Variants in ANKRD12 observed in about 807,000 individuals in gnomAD.
ANKRD12 encodes the protein ankyrin repeat domain-containing protein 12.
ANKRD12 carries 85 observed loss-of-function variants against 183.4 expected under a neutral mutation model. The observed-to-expected ratio is 0.46, with a 90% CI of 0.39 to 0.56. ANKRD12 has a LOEUF of 0.56. Ranked by LOEUF, ANKRD12 falls within the 20% of genes least tolerant of loss-of-function variation. The pLI, the probability that ANKRD12 is intolerant of heterozygous loss-of-function variation, is 0.00. For missense variants in ANKRD12, 2,405 were observed against 2,357.1 expected (o/e 1.02, Z -0.42); for synonymous variants, 914 against 800.2 (o/e 1.14, Z -2.40).
chr18:9,278,965 C>T (rs148432138), intron 11 of ANKRD12, among the ~76,000 whole-genome samples: 2 of 152,196 alleles, frequency 1.3e-5, no homozygotes, highest in Non-Finnish European at 2.9e-5. Context: ...GAGGTTACCA[C>T]ATTTTACAGA....
rs919014994 is a variant in ANKRD12 at position 9,224,325 on chromosome 18, CAG to C, written c.943+2333_943+2334del. 4.0e-5 allele frequency among the ~76,000 whole-genome samples: 6 copies of C among 151,792 alleles called. 1 individual carries two copies. The highest frequency in any genetic ancestry group is 2.0e-4 in the Admixed American group (3 of 15,246). On this transcript the variant is annotated intron_variant, in intron 8 of 12. Transcript: ENST00000262126. Reference sequence around the variant, plus strand: ...ATATGAAAGGAGAAAGATTGGAAGACAGAGAGAGGGGTAGGTGCAGGCACACT... The same window carrying C: ...ATATGAAAGGAGAAAGATTGGAAGACAGAGAGGGGTAGGTGCAGGCACACT...
chr18:9,235,529 A>C (rs1423836715), intron 8 of ANKRD12: 6 of 354,638 alleles, frequency 1.7e-5, no homozygotes, highest in Non-Finnish European at 3.5e-5. Context: ...CTAACACCAC[A>C]TAAAGAGAAA....
At chr18:9,170,483 C>T (rs2143964716) in intron 1 of ANKRD12, among the ~76,000 whole-genome samples, 1 of 152,338 alleles carries the variant, frequency 6.6e-6, no homozygotes, top group African/African-American at 2.4e-5. Flanking sequence ...TATACCCTTT[C>T]TTCCAGTTGA....
rs373735897 is a variant in ANKRD12, at chr18:9,146,208, CT to C, written c.-52+9250del. Among the ~76,000 whole-genome samples the C allele has an allele frequency of 7.9e-5, 12 of 152,144 alleles. 1 individual carries two copies. The highest frequency in any genetic ancestry group is 2.9e-4 in the African/African-American group (12 of 41,500). On this transcript the variant is annotated intron_variant, in intron 1 of 12. Transcript: ENST00000262126. ...CATTTGCACCATCAGTGACATTTGC[CT>C]TTTTTTCCCCCGATTCAAAAACATT...
rs765757579 is a variant in ANKRD12, at chr18:9,254,851, AGAT to A, written c.1588_1590del (p.Asp530del). On this transcript the variant is annotated inframe_deletion, in exon 9 of 13. Transcript: ENST00000262126. The stretch of plus-strand genomic sequence containing the variant: ...ACTTTAGGAAATCTTTTAGCCCAAA[AGAT>A]GATACTTCATTACATTTATTTCATA... The A allele has an allele frequency of 6.0e-6, 9 of 1,508,002 alleles. No homozygotes were observed. The highest frequency in any genetic ancestry group is 2.8e-5 in the South Asian group (2 of 70,952). 93.4% of individuals were successfully genotyped at this position (1,508,002 alleles called of 1,614,324 possible). A position where few individuals can be genotyped will look rare whatever the true frequency, so the allele number is the denominator to read the frequency against.
chr18:9,143,966 C>A (rs2078408702), intron 1 of ANKRD12, among the ~76,000 whole-genome samples: 1 of 152,168 alleles, frequency 6.6e-6, no homozygotes, highest in Non-Finnish European at 1.5e-5. Flanking sequence ...TCTTGGAAAG[C>A]CCCATTGAAA....
intron 8 of ANKRD12, among the ~76,000 whole-genome samples, chr18:9,228,363 G>A (rs2036843842): frequency 6.6e-6 from 1 of 151,964 alleles, no homozygotes; most frequent in Non-Finnish European, 1.5e-5. Context: ...TTGCTGGATG[G>A]TATTCTATTT....
At chr18:9,170,072 C>T (rs189394661) in intron 1 of ANKRD12, among the ~76,000 whole-genome samples, 178 of 152,290 alleles carry the variant, frequency 1.2e-3, no homozygotes, top group East Asian at 7.5e-3. Context: ...GAGTTTCTGC[C>T]GAGAGATCAG....
At chr18:9,169,253 C>T (rs1432119267) in intron 1 of ANKRD12, among the ~76,000 whole-genome samples, 1 of 152,120 alleles carries the variant, frequency 6.6e-6, no homozygotes, top group African/African-American at 2.4e-5. Context: ...GAGCTGAGTT[C>T]AGTTCCTGGG....
Position 9,256,199 on chromosome 18 carries a change from A to C in ANKRD12, c.2932A>C (p.Ile978Leu), listed in dbSNP as rs149878606. Reference protein sequence around the residue: ...ESINITNSKHIQEEKKSSIVD... With the variant: ...ESINITNSKHLQEEKKSSIVD... ...TATAAATATAACTAACTCCAAACAC[A>C]TACAGGAAGAAAAAAAATCAAGTAT... Residue 978 changes from isoleucine (I) to leucine (L), a missense_variant, in exon 9 of 13, where the codon ATA (isoleucine) becomes CTA (leucine). Ile to Leu is a conservative substitution (Grantham distance 5). This residue lies in a region of ANKRD12 where 1,983 missense variants were observed against 1,725.9 expected (regional missense o/e 1.15). Transcript: ENST00000262126. 1 of 1,576,074 alleles carries C rather than the reference A, an allele frequency of 6.3e-7. No individual in the cohort carries two copies. The highest frequency in any genetic ancestry group is 8.6e-7 in the Non-Finnish European group (1 of 1,168,304).
intron 8 of ANKRD12, among the ~76,000 whole-genome samples, chr18:9,223,134 C>G (rs1333324751): frequency 1.3e-5 from 2 of 152,128 alleles, no homozygotes; most frequent in African/African-American, 2.4e-5. Flanking sequence ...ATAGTAAACT[C>G]AGGGTTGGGC....
At chr18:9,165,750 G>A (rs1568241262) in intron 1 of ANKRD12, among the ~76,000 whole-genome samples, 1 of 151,134 alleles carries the variant, frequency 6.6e-6, no homozygotes, top group Non-Finnish European at 1.5e-5. Context: ...TTAAGTTTTA[G>A]GGTACATGTG....
intron 1 of ANKRD12, among the ~76,000 whole-genome samples, chr18:9,157,148 T>A (rs1193003344): frequency 6.6e-6 from 1 of 152,168 alleles, no homozygotes; most frequent in Non-Finnish European, 1.5e-5. Context: ...TAAACAATAG[T>A]TGAAAATACT....
At chr18:9,149,012 T>C (rs1598392155) in intron 1 of ANKRD12, among the ~76,000 whole-genome samples, 1 of 152,084 alleles carries the variant, frequency 6.6e-6, no homozygotes, top group Non-Finnish European at 1.5e-5. Context: ...CTTATCCTCC[T>C]CCCACACCAG....
intron 9 of ANKRD12, chr18:9,259,632 A>G (rs765735561): frequency 1.3e-5 from 2 of 152,220 alleles, no homozygotes; most frequent in Non-Finnish European, 2.9e-5. Flanking sequence ...GACTAAAAGC[A>G]TAGGTGAGAA....
In ANKRD12 at chr18:9,257,055, T is replaced by C; in HGVS notation, c.3788T>C (p.Leu1263Ser). 6.2e-7 allele frequency: 1 copy of C among 1,614,148 alleles called. No homozygotes were observed. The highest frequency in any genetic ancestry group is 8.5e-7 in the Non-Finnish European group (1 of 1,180,008). ...TCTCCTGCTCTTCATGAAAGGGAAT[T>C]GGACAGCCTGGCTGACTTGCCGGAG... The part of the protein sequence containing the change: ...AKSPALHERE[L>S]DSLADLPERI... Residue 1263 changes from leucine to serine, a missense_variant, in exon 9 of 13, where the codon TTG (leucine) becomes TCG (serine). Transcript: ENST00000262126.
At chr18:9,195,468 G>A in intron 2 of ANKRD12, 83 bp from the exon 3 acceptor site, 1 of 1,016,084 alleles carries the variant, frequency 9.8e-7, no homozygotes, top group African/African-American at 1.7e-5. Context: ...TTTTGTGTAT[G>A]TTTGAAATTT....
intron 8 of ANKRD12, among the ~76,000 whole-genome samples, chr18:9,246,425 A>T (rs1028373314): frequency 2.6e-5 from 4 of 152,102 alleles, no homozygotes; most frequent in Non-Finnish European, 5.9e-5. Flanking sequence ...CTTTGCCCTC[A>T]CGCCTCCCTG....
chr18:9,182,619 G>A (rs747742303), intron 2 of ANKRD12, 100 bp downstream of exon 2: 78 of 662,688 alleles, frequency 1.2e-4, no homozygotes, highest in Non-Finnish European at 1.8e-4. Flanking sequence ...AACCAATATG[G>A]ATGCCAGATA....
Sources: gnomAD v4.1 joint callset for allele counts (sites outside exome capture counted in the v4.1 genomes callset) on GRCh38, gnomAD v4.1.1 for gene constraint, gnomAD v4.1.1 regional missense constraint, MANE v1.5 for transcripts, NCBI Gene and HGNC (gene_info 2026-07-23, HGNC 2026-07-21) for gene names.